The following CYP7B1 variants were observed in gnomAD, a reference collection of about 807,000 sequenced individuals.
CYP7B1 encodes the protein cytochrome P450 7B1.
In CYP7B1, 29 loss-of-function variants were observed where a neutral mutation model predicts 42.7. That is an observed-to-expected ratio of 0.68 (90% CI 0.51 to 0.93). The LOEUF is 0.93. Ranked by LOEUF, CYP7B1 falls within the 40% of genes least tolerant of loss-of-function variation. CYP7B1 has a pLI of 0.00. For missense variants in CYP7B1, 655 were observed against 600.5 expected (o/e 1.09, Z -0.95); for synonymous variants, 235 against 218.2 (o/e 1.08, Z -0.68).
chr8:64,662,325 G>A (rs190303698), intron 1 of CYP7B1, among the ~76,000 whole-genome samples: 9 of 152,128 alleles, frequency 5.9e-5, no homozygotes, highest in East Asian at 5.8e-4. Context: ...GCAAGAGACC[G>A]CCTCTATAAA....
chr8:64,651,955 T>C (rs1431140918), intron 1 of CYP7B1, among the ~76,000 whole-genome samples: 1 of 152,204 alleles, frequency 6.6e-6, no homozygotes, highest in Non-Finnish European at 1.5e-5. Flanking sequence ...TTGTGAGTAT[T>C]CAGTAGTGTG....
At chr8:64,684,240 G>GAAGA (rs1235084165) in intron 1 of CYP7B1, among the ~76,000 whole-genome samples, 1 of 152,230 alleles carries the variant, frequency 6.6e-6, no homozygotes, top group Non-Finnish European at 1.5e-5. Context: ...CATAGCATAA[G>GAAGA]AGGGGCAGCA....
At chr8:64,786,093 G>A (rs1804522115) in intron 1 of CYP7B1, among the ~76,000 whole-genome samples, 1 of 152,100 alleles carries the variant, frequency 6.6e-6, no homozygotes, top group African/African-American at 2.4e-5. Flanking sequence ...ACCACATGGG[G>A]GGATTATGGG....
chr8:64,707,692 T>G (rs540298545), intron 1 of CYP7B1, among the ~76,000 whole-genome samples: 9 of 140,828 alleles, frequency 6.4e-5, no homozygotes, highest in Admixed American at 2.1e-4. Flanking sequence ...ATTCAATTAG[T>G]TTTTTTTTTC....
intron 1 of CYP7B1, among the ~76,000 whole-genome samples, chr8:64,725,887 C>T (rs1178256261): frequency 1.3e-5 from 2 of 152,188 alleles, no homozygotes; most frequent in Non-Finnish European, 2.9e-5. Context: ...CATTGGTCCA[C>T]CAAAAGCCCA....
chr8:64,599,236 T>C (rs1563537775), intron 5 of CYP7B1, among the ~76,000 whole-genome samples: 1 of 152,104 alleles, frequency 6.6e-6, no homozygotes, highest in Non-Finnish European at 1.5e-5. Flanking sequence ...TCGCCCAGGT[T>C]GGAGTGCAGT....
At chr8:64,794,061 T>C (rs1039917603) in intron 1 of CYP7B1, among the ~76,000 whole-genome samples, 14 of 151,898 alleles carry the variant, frequency 9.2e-5, no homozygotes, top group Non-Finnish European at 1.9e-4. Flanking sequence ...AGACCAATAT[T>C]GAGTGAGGTC....
At chr8:64,715,780 T>C (rs1384585796) in intron 1 of CYP7B1, among the ~76,000 whole-genome samples, 1 of 152,176 alleles carries the variant, frequency 6.6e-6, no homozygotes, top group Non-Finnish European at 1.5e-5. Context: ...TGAACATAAA[T>C]TTAAGCATCT....
intron 1 of CYP7B1, among the ~76,000 whole-genome samples, chr8:64,788,400 A>G (rs1425063734): frequency 6.6e-6 from 1 of 152,078 alleles, no homozygotes; most frequent in Non-Finnish European, 1.5e-5. Context: ...ATCTGTGTGG[A>G]GTTTGTTCAT....
At chr8:64,659,667 C>T (rs11986615) in intron 1 of CYP7B1, among the ~76,000 whole-genome samples, 75,573 of 151,998 alleles carry the variant, frequency 0.5, 20,187 homozygotes, top group Non-Finnish European at 0.58. Context: ...AGCATAATCA[C>T]GGTTATTCAT....
rs1451599674 is a variant in CYP7B1, at chr8:64,592,682, T to C, written c.*3960A>G. 1.3e-5 allele frequency among the ~76,000 whole-genome samples: 2 copies of C among 152,234 alleles called. No homozygotes were observed. Among genetic ancestry groups the C allele is most frequent in the African/African-American group, 4.8e-5 (2 of 41,470 alleles). ...CACTGTTGAAGTATCTTCATTAAAC[T>C]TTGCATTGGTATATTGCATTATACC... On this transcript the variant is annotated 3_prime_UTR_variant, in exon 6 of 6. Coordinates refer to ENST00000310193, the MANE Select transcript of CYP7B1 (RefSeq NM_004820.5).
chr8:64,666,568 T>G (rs906234599), intron 1 of CYP7B1, among the ~76,000 whole-genome samples: 1 of 152,070 alleles, frequency 6.6e-6, no homozygotes, highest in Non-Finnish European at 1.5e-5. Flanking sequence ...GGTGGACAAG[T>G]GTGTCTGACC....
intron 1 of CYP7B1, among the ~76,000 whole-genome samples, chr8:64,682,917 T>C (rs1344550742): frequency 6.6e-6 from 1 of 152,208 alleles, no homozygotes; most frequent in Non-Finnish European, 1.5e-5. Context: ...TCTTTCAGTG[T>C]TCTACAACTC....
At chr8:64,649,373 T>C (rs7837784) in intron 1 of CYP7B1, among the ~76,000 whole-genome samples, 97,914 of 151,990 alleles carry the variant, frequency 0.64, 31,764 homozygotes, top group African/African-American at 0.68. Flanking sequence ...TCTATGTTGT[T>C]ACATATTGCG....
chr8:64,798,389 A>C, intron 1 of CYP7B1, 77 bp downstream of exon 1: 1 of 1,422,216 alleles, frequency 7.0e-7, no homozygotes, highest in South Asian at 1.5e-5. Flanking sequence ...ATGGAGGGGG[A>C]CTCCCCTCGC....
In CYP7B1 at chr8:64,798,425, G is replaced by A. The variant is rs1368298934; in HGVS notation, c.122+41C>T. 6 of 1,467,152 alleles carry A rather than the reference G, an allele frequency of 4.1e-6. No individual in the cohort carries two copies. The South Asian group carries it at 5.4e-5, about 13-fold the overall frequency. The allele number at this position is 1,467,152 out of a possible 1,614,324, so 90.9% of individuals were successfully genotyped here. On this transcript the variant is annotated intron_variant, in intron 1 of 5. Transcript: ENST00000310193. ...CATCTGGGTCGCGCGCGGCCCGCGG[G>A]GCCCAGGGCGCATGCGTGGCCTGGC...
chr8:64,646,333 G>A (rs1335211606), intron 1 of CYP7B1, among the ~76,000 whole-genome samples: 2 of 152,012 alleles, frequency 1.3e-5, no homozygotes, highest in Non-Finnish European at 2.9e-5. Flanking sequence ...AATCTACAAT[G>A]AACTCAAACA....
Position 64,626,725 on chromosome 8 carries a change from G to T in CYP7B1, c.123-2186C>A, listed in dbSNP as rs941719234. The stretch of plus-strand genomic sequence containing the variant: ...TGATTTAAAGTAAAAAAGGTAAAAA[G>T]AAACAAAAACAGAAAACAAAGCCAT... On this transcript the variant is annotated intron_variant, in intron 1 of 5. Coordinates refer to ENST00000310193, the MANE Select transcript of CYP7B1 (RefSeq NM_004820.5). Among the ~76,000 whole-genome samples the T allele has an allele frequency of 4.6e-5, 7 of 152,178 alleles. No individual in the cohort carries two copies. The South Asian group carries it at 1.0e-3, about 23-fold the overall frequency.
intron 1 of CYP7B1, among the ~76,000 whole-genome samples, chr8:64,643,569 T>C (rs1280353651): frequency 6.6e-6 from 1 of 152,154 alleles, no homozygotes; most frequent in African/African-American, 2.4e-5. Flanking sequence ...TTTCTTAAAA[T>C]AAGACAACAA....
Sources: gnomAD v4.1 joint callset for allele counts (sites outside exome capture counted in the v4.1 genomes callset) on GRCh38, gnomAD v4.1.1 for gene constraint, MANE v1.5 for transcripts, NCBI Gene and HGNC (gene_info 2026-07-23, HGNC 2026-07-21) for gene names.